Variants in BRF1 observed in about 807,000 individuals in gnomAD.
The protein encoded by BRF1 is transcription factor IIIB 90 kDa subunit.
A neutral mutation model predicts 81.7 loss-of-function variants in BRF1; 59 were observed. That is an observed-to-expected ratio of 0.72 (90% CI 0.59 to 0.90). The LOEUF (loss-of-function observed/expected upper bound fraction) is 0.90. Among genes scored for constraint, BRF1 ranks in the 40% least tolerant of loss-of-function variants. BRF1 has a pLI of 0.00. For synonymous variants in BRF1, 491 were observed against 395.6 expected (o/e 1.24, Z -2.86); for missense variants, 1,050 against 936.3 (o/e 1.12, Z -1.58).
intron 10 of BRF1, 110 bp downstream of exon 10, chr14:105,225,959 C>T: frequency 8.8e-7 from 1 of 1,140,756 alleles, no homozygotes; most frequent in African/African-American, 1.6e-5. Flanking sequence ...AACTTACATT[C>T]TGTAGATAAT....
chr14:105,294,284 C>T (rs1288721999), intron 1 of BRF1, among the ~76,000 whole-genome samples: 1 of 152,250 alleles, frequency 6.6e-6, no homozygotes, highest in African/African-American at 2.4e-5. Context: ...AGAGAGTGTG[C>T]CTGGGCTCAG....
Position 105,280,259 on chromosome 14 carries a change from C to T in BRF1, c.265+6037G>A, listed in dbSNP as rs587593590. ...CAGAGACCTGGAGGACAGTTAAATGCCCATGGCTGAGTGACAGGCTGCACA... is the reference window on the plus strand; with the variant it reads ...CAGAGACCTGGAGGACAGTTAAATGTCCATGGCTGAGTGACAGGCTGCACA... On this transcript the variant is annotated intron_variant, in intron 2 of 17. Coordinates refer to ENST00000547530, the MANE Select transcript of BRF1 (RefSeq NM_001519.4). Among the ~76,000 whole-genome samples, 10 of 152,330 alleles carry T rather than the reference C, an allele frequency of 6.6e-5. No individual in the cohort carries two copies. In the South Asian group the frequency reaches 2.1e-3, roughly 32 times the overall value.
chr14:105,247,213 C>G lies in BRF1; in HGVS notation c.544+5294G>C, dbSNP rs2055182271. On this transcript the variant is annotated intron_variant, in intron 5 of 17. Coordinates refer to ENST00000547530, the MANE Select transcript of BRF1 (RefSeq NM_001519.4). ...TGGCGGGTGCATCCACACACTTTCT[C>G]TCGGAACTTTCCGGACTCTCATGCA... is the stretch of plus-strand genomic sequence containing the variant. The G allele has an allele frequency of 3.0e-6, 3 of 985,358 alleles. No individual in the cohort carries two copies. In the Admixed American group the frequency reaches 1.8e-4, roughly 61 times the overall value. 61.0% of individuals were successfully genotyped at this position (985,358 alleles called of 1,614,324 possible). A position where few individuals can be genotyped will look rare whatever the true frequency, so the allele number is the denominator to read the frequency against.
intron 6 of BRF1, among the ~76,000 whole-genome samples, chr14:105,229,488 C>G (rs1157575965): frequency 2.0e-5 from 3 of 152,194 alleles, no homozygotes; most frequent in African/African-American, 4.8e-5. Context: ...GAGTGAGGGC[C>G]CTGCCGACCT....
chr14:105,280,386 G>C (rs774892288), intron 2 of BRF1, among the ~76,000 whole-genome samples: 1 of 152,230 alleles, frequency 6.6e-6, no homozygotes, highest in Non-Finnish European at 1.5e-5. Flanking sequence ...AGGGATGAAT[G>C]GGTGGAGCTC....
chr14:105,301,732 C>G (rs937044516), upstream of BRF1, among the ~76,000 whole-genome samples: 1 of 152,264 alleles, frequency 6.6e-6, no homozygotes, highest in African/African-American at 2.4e-5. Flanking sequence ...TGAGTCACCT[C>G]GCTGTGCCCC....
In BRF1 at chr14:105,226,615, A is replaced by G; in HGVS notation, c.915+19T>C. On this transcript the variant is annotated intron_variant, in intron 8 of 17. Transcript: ENST00000547530. ...AGGCTGGCAAGCCCAGCACAGACAG[A>G]CACCAAAGCCGGCGCTACCTGCTTC... 3.1e-6 allele frequency: 5 copies of G among 1,612,738 alleles called. No homozygotes were observed.
intron 15 of BRF1, among the ~76,000 whole-genome samples, chr14:105,215,403 TACAC>T (rs1377718146): frequency 6.0e-5 from 9 of 150,078 alleles, no homozygotes; most frequent in Non-Finnish European, 1.2e-4. Flanking sequence ...CACAAAAACT[TACAC>T]ACATGCACAC....
rs2056577566 is a variant in BRF1, at chr14:105,269,694, G to GGAT, written c.439+3026_439+3027insATC. ...CAGAGGCAGCCCCGGCAGTGCCACA[G>GGAT]GACTGCTCTCCGTCCTGCCTGTCAT... On this transcript the variant is annotated intron_variant, in intron 3 of 17. Transcript: ENST00000547530. This position sits in a 1 kb window ranked among gnomAD's most constrained non-coding sequence, Gnocchi z 5.0. Among the ~76,000 whole-genome samples the GGAT allele has an allele frequency of 6.6e-6, 1 of 152,140 alleles. No homozygotes were observed. Among genetic ancestry groups the GGAT allele is most frequent in the Non-Finnish European group, 1.5e-5 (1 of 68,012 alleles).
intron 5 of BRF1, chr14:105,249,236 C>A (rs1416310367): frequency 6.3e-7 from 1 of 1,581,838 alleles, no homozygotes; most frequent in Non-Finnish European, 8.5e-7. Flanking sequence ...CAGGACGGTG[C>A]CCGCCCACAA....
intron 5 of BRF1, among the ~76,000 whole-genome samples, chr14:105,243,806 G>A (rs993981150): frequency 6.6e-6 from 1 of 152,014 alleles, no homozygotes; most frequent in Non-Finnish European, 1.5e-5. Context: ...GACCAGCCTG[G>A]CCAATATAGT....
chr14:105,283,680 G>A (rs942402236), intron 2 of BRF1, among the ~76,000 whole-genome samples: 2 of 152,112 alleles, frequency 1.3e-5, no homozygotes, highest in Non-Finnish European at 2.9e-5. Flanking sequence ...CAATGCACGC[G>A]TCTGCACCGA....
chr14:105,223,658 C>G (rs935961330), intron 10 of BRF1, among the ~76,000 whole-genome samples: 8 of 152,156 alleles, frequency 5.3e-5, no homozygotes, highest in Admixed American at 1.3e-4. Context: ...GGGTGGTGAC[C>G]AAGGGCCTGT....
chr14:105,251,329 GCACCTCA>G, intron 5 of BRF1, among the ~76,000 whole-genome samples: 1 of 152,284 alleles, frequency 6.6e-6, no homozygotes, highest in African/African-American at 2.4e-5. Context: ...TGCATCACTA[GCACCTCA>G]GAGTCCTACC....
intron 6 of BRF1, 34 bp from the exon 7 acceptor site, chr14:105,228,947 G>T (rs202149804): frequency 2.5e-6 from 4 of 1,601,216 alleles, no homozygotes; most frequent in Non-Finnish European, 2.6e-6. Context: ...CGTCAACCAC[G>T]GCTGGGAACC....
At chr14:105,267,393 T>C (rs1180130954) in intron 3 of BRF1, among the ~76,000 whole-genome samples, 2 of 151,650 alleles carry the variant, frequency 1.3e-5, no homozygotes, top group African/African-American at 4.8e-5. Context: ...AGCCTCGACC[T>C]CCTGGGTTCA....
chr14:105,219,831 G>C (rs1053381813), intron 12 of BRF1: 1 of 575,732 alleles, frequency 1.7e-6, no homozygotes, highest in Admixed American at 3.0e-5. Flanking sequence ...GCCGAGGGCC[G>C]CAAGGACCAG....
At chr14:105,314,219 G>T (rs2058444696) in intron 1 of BRF1, among the ~76,000 whole-genome samples, 1 of 151,788 alleles carries the variant, frequency 6.6e-6, no homozygotes, top group African/African-American at 2.4e-5. Flanking sequence ...GGCGGGGCCC[G>T]CACAGCCGGG....
At chr14:105,216,160 TAC>T (rs1891254158) in intron 15 of BRF1, among the ~76,000 whole-genome samples, 1 of 152,078 alleles carries the variant, frequency 6.6e-6, no homozygotes. Flanking sequence ...TGTACATGTA[TAC>T]ACACACAGAG....
Sources: gnomAD v4.1 joint callset for allele counts (sites outside exome capture counted in the v4.1 genomes callset) on GRCh38, gnomAD v4.1.1 for gene constraint, Gnocchi (gnomAD v3.1) non-coding constraint, MANE v1.5 for transcripts, NCBI Gene and HGNC (gene_info 2026-07-23, HGNC 2026-07-21) for gene names.